The following PDXDC1 variants were observed in gnomAD, a reference collection of about 807,000 sequenced individuals.
The protein encoded by PDXDC1 is pyridoxal-dependent decarboxylase domain-containing protein 1.
PDXDC1 carries 42 observed loss-of-function variants against 100.1 expected under a neutral mutation model. The observed-to-expected ratio is 0.42, with a 90% CI of 0.33 to 0.54. The LOEUF (loss-of-function observed/expected upper bound fraction) is 0.54. PDXDC1 is among the 20% of genes least tolerant of loss of function. The pLI, the probability that PDXDC1 is intolerant of heterozygous loss-of-function variation, is 0.10. For missense variants in PDXDC1, 636 were observed against 979.2 expected, an observed-to-expected ratio of 0.65 and a Z score of 4.68; for synonymous variants, 260 against 371.7, an observed-to-expected ratio of 0.70 and a Z score of 3.46.
intron 16 of PDXDC1, among the ~76,000 whole-genome samples, chr16:15,079,438 G>T (rs1292389301): frequency 1.3e-5 from 2 of 152,148 alleles, no homozygotes; most frequent in African/African-American, 4.8e-5. Flanking sequence ...CATAATGTAT[G>T]TTTCATTCAT....
chr16:15,122,149 G>A (rs998424466), intron 16 of PDXDC1, among the ~76,000 whole-genome samples: 1 of 152,058 alleles, frequency 6.6e-6, no homozygotes, highest in South Asian at 2.1e-4. Flanking sequence ...GGGCGACAGA[G>A]TGAGACTCTG....
At chr16:15,102,055 T>C (rs1300674414) in intron 16 of PDXDC1, among the ~76,000 whole-genome samples, 3 of 151,754 alleles carry the variant, frequency 2.0e-5, no homozygotes, top group African/African-American at 7.3e-5. Flanking sequence ...GCCATGTTGG[T>C]CAGGCTGCTC....
At chr16:15,115,305 G>T (rs1166457282) in intron 16 of PDXDC1, among the ~76,000 whole-genome samples, 71 of 147,774 alleles carry the variant, frequency 4.8e-4, no homozygotes, top group Non-Finnish European at 7.9e-4. Context: ...AGAGTGCAGT[G>T]GTGTGCTCTT....
At chr16:15,144,590 C>T in the PDXDC1 span, among the ~76,000 whole-genome samples, 1 of 152,144 alleles carries the variant, frequency 6.6e-6, no homozygotes, top group African/African-American at 2.4e-5. Context: ...GGGTGTGAGA[C>T]TAGCCGGGGA....
intron 16 of PDXDC1, among the ~76,000 whole-genome samples, chr16:15,128,720 C>A (rs913006647): frequency 5.9e-5 from 9 of 152,154 alleles, no homozygotes; most frequent in African/African-American, 1.7e-4. Flanking sequence ...GTGACCCGCA[C>A]CACACACCCG....
At position 15,137,655 on chromosome 16, in the gene PDXDC1, C is replaced by A. The variant is rs913470369; in HGVS notation, c.1400-1224C>A. On this transcript the variant is annotated intron_variant, in intron 16 of 16. Coordinates refer to the PDXDC1 transcript ENST00000535621. The stretch of plus-strand genomic sequence containing the variant: ...ATGCTGTTCCCTTGGCCCGGAGCCC[C>A]CCCCCAGAGAGGCCTTCCTGAGCCC... 5.4e-6 allele frequency: 7 copies of A among 1,298,474 alleles called. No individual in the cohort carries two copies. The Admixed American group carries it at 1.4e-4, about 26-fold the overall frequency. 80.4% of individuals were successfully genotyped at this position (1,298,474 alleles called of 1,614,324 possible).
At chr16:15,105,092 C>T (rs1280570595) in intron 16 of PDXDC1, among the ~76,000 whole-genome samples, 1 of 114,340 alleles carries the variant, frequency 8.7e-6, no homozygotes, top group African/African-American at 3.2e-5. Flanking sequence ...GTGTCTATGT[C>T]TATCCTCATT....
At chr16:15,127,040 G>A (rs1158387843) in intron 16 of PDXDC1, 9 of 346,252 alleles carry the variant, frequency 2.6e-5, no homozygotes, top group African/African-American at 8.6e-5. Context: ...CGCCCACCTC[G>A]GCCTCCTGAA....
At chr16:15,062,698 G>A (rs1386358087) in intron 16 of PDXDC1, among the ~76,000 whole-genome samples, 1 of 152,190 alleles carries the variant, frequency 6.6e-6, no homozygotes, top group Non-Finnish European at 1.5e-5. Flanking sequence ...AAGTGGCAAA[G>A]ATCTAAATTC....
intron 16 of PDXDC1, chr16:15,065,266 T>C: frequency 6.2e-7 from 1 of 1,613,866 alleles, no homozygotes; most frequent in Non-Finnish European, 8.5e-7. Context: ...CCAGCGGGTT[T>C]GTGCAGATCT....
rs749990542 is a variant in PDXDC1 at position 14,984,476 on chromosome 16, CATAT to C, written c.21+9273_21+9276del. Among the ~76,000 whole-genome samples the C allele has an allele frequency of 3.6e-3, 329 of 92,604 alleles. 5 individuals are homozygous for C. The highest frequency in any genetic ancestry group is 7.5e-3 in the East Asian group (12 of 1,610). The allele number at this position is 92,604 out of a possible 152,430, so 60.8% of individuals were successfully genotyped here. ...GAGAGTGTGTGTGTGTGTGTGTATA[CATAT>C]ATATATATATATATATTTTTTTTTT... On this transcript the variant is annotated intron_variant, in intron 1 of 22. Transcript: ENST00000396410.
At chr16:15,048,947 T>C (rs1282226325) in intron 16 of PDXDC1, among the ~76,000 whole-genome samples, 70 of 129,732 alleles carry the variant, frequency 5.4e-4, no homozygotes, top group Admixed American at 2.5e-3. Flanking sequence ...TTTGTAGAGA[T>C]GAGGCCTCCC....
At chr16:14,986,319 A>C (rs1240405528) in intron 1 of PDXDC1, among the ~76,000 whole-genome samples, 2 of 152,288 alleles carry the variant, frequency 1.3e-5, no homozygotes, top group African/African-American at 4.8e-5. Context: ...ATACAAAAAA[A>C]TTAGCTGGGC....
chr16:15,078,723 G>A (rs540401638), intron 16 of PDXDC1, among the ~76,000 whole-genome samples: 3 of 151,856 alleles, frequency 2.0e-5, no homozygotes, highest in East Asian at 3.9e-4. Flanking sequence ...ACGACTGCCT[G>A]TGAGTATTCT....
At chr16:15,127,911 A>T in intron 16 of PDXDC1, 1 of 1,415,848 alleles carries the variant, frequency 7.1e-7, no homozygotes, top group Non-Finnish European at 9.8e-7. Flanking sequence ...GAAGGCAGGG[A>T]GGGCCGCACT....
At chr16:15,121,865 C>T (rs1384268730) in intron 16 of PDXDC1, 2 of 190,610 alleles carry the variant, frequency 1.0e-5, no homozygotes, top group African/African-American at 5.3e-5. Flanking sequence ...TATATTTTGG[C>T]CAGGCGCGGT....
chr16:15,110,629 G>A (rs2047006840), intron 16 of PDXDC1: 1 of 1,566,728 alleles, frequency 6.4e-7, no homozygotes, highest in Non-Finnish European at 8.7e-7. Context: ...AGTGAGGAGA[G>A]GAGAAGGTGA....
intron 3 of PDXDC1, 98 bp downstream of exon 3, chr16:14,998,503 G>GGGCTCGCT: frequency 7.4e-7 from 1 of 1,344,828 alleles, no homozygotes; most frequent in African/African-American, 1.5e-5. Context: ...GGTGTGCAGT[G>GGGCTCGCT]GCACAATCTG....
intron 16 of PDXDC1, among the ~76,000 whole-genome samples, chr16:15,129,507 T>A (rs1398038959): frequency 1.3e-5 from 2 of 151,886 alleles, no homozygotes; most frequent in Admixed American, 1.3e-4. Flanking sequence ...AAAATAGAGG[T>A]ATTGAAGAAA....
Sources: gnomAD v4.1 joint callset for allele counts (sites outside exome capture counted in the v4.1 genomes callset) on GRCh38, gnomAD v4.1.1 for gene constraint, MANE v1.5 for transcripts, NCBI Gene and HGNC (gene_info 2026-07-23, HGNC 2026-07-21) for gene names.